LIPK: variants seen among roughly 807,000 people sequenced by gnomAD.
LIPK encodes lipase member K.
A neutral mutation model predicts 48.6 loss-of-function variants in LIPK; 32 were observed. The ratio of observed to expected loss-of-function variants is 0.66; its 90% CI spans 0.50 to 0.88. LIPK has a LOEUF of 0.88. LIPK is among the 40% of genes least tolerant of loss of function. The pLI is 0.00. For missense variants in LIPK, 507 were observed against 478.5 expected (o/e 1.06, Z -0.56); for synonymous variants, 164 against 157.4 (o/e 1.04, Z -0.32).
intron 9 of LIPK, among the ~76,000 whole-genome samples, chr10:88,751,040 A>G (rs1370927274): frequency 3.3e-5 from 5 of 152,218 alleles, no homozygotes; most frequent in African/African-American, 1.2e-4. Flanking sequence ...TTTAAATACC[A>G]TTATATGGAT....
intron 6 of LIPK, among the ~76,000 whole-genome samples, chr10:88,734,298 A>G (rs1224695844): frequency 6.6e-6 from 1 of 152,238 alleles, no homozygotes; most frequent in Non-Finnish European, 1.5e-5. Context: ...TTCATTATAG[A>G]GTGTGGTATA....
At chr10:88,735,680 C>A (rs2134752993) in intron 6 of LIPK, among the ~76,000 whole-genome samples, 2 of 152,370 alleles carry the variant, frequency 1.3e-5, no homozygotes, top group African/African-American at 4.8e-5. Context: ...GGTGCCTTTT[C>A]TAATTCTCAC....
At chr10:88,749,763 A>C (rs1842832339) in intron 9 of LIPK, among the ~76,000 whole-genome samples, 1 of 152,222 alleles carries the variant, frequency 6.6e-6, no homozygotes, top group South Asian at 2.1e-4. Flanking sequence ...ATTTCATGAT[A>C]AAGATGCCAA....
intron 1 of LIPK, among the ~76,000 whole-genome samples, chr10:88,721,290 CAG>C (rs1431819550): frequency 1.3e-5 from 2 of 152,098 alleles, no homozygotes; most frequent in Non-Finnish European, 2.9e-5. Context: ...TAAAAAAACT[CAG>C]AGTATTATTA....
intron 1 of LIPK, among the ~76,000 whole-genome samples, chr10:88,719,951 T>C (rs997148018): frequency 2.0e-5 from 3 of 152,212 alleles, no homozygotes; most frequent in African/African-American, 7.2e-5. Context: ...ATAATCCACA[T>C]GCATTTGATA....
intron 8 of LIPK, among the ~76,000 whole-genome samples, chr10:88,742,220 T>C (rs1842691901): frequency 6.6e-6 from 1 of 152,202 alleles, no homozygotes; most frequent in African/African-American, 2.4e-5. Flanking sequence ...CAATTAGAGA[T>C]GAGATTTGGG....
chr10:88,740,674 G>A (rs1842663242), intron 8 of LIPK, among the ~76,000 whole-genome samples: 1 of 152,134 alleles, frequency 6.6e-6, no homozygotes, highest in South Asian at 2.1e-4. Flanking sequence ...ACATTCATTT[G>A]TTTATTATGT....
chr10:88,710,781 C>T (rs1169471440), intron 1 of LIPK, among the ~76,000 whole-genome samples: 3 of 152,120 alleles, frequency 2.0e-5, no homozygotes, highest in East Asian at 1.9e-4. Flanking sequence ...AAATCTTCAG[C>T]GAACAATCTT....
rs403572 is a variant in LIPK at position 88,739,851 on chromosome 10, A to G, written c.817-145A>G. 4 of 454,140 alleles carry G rather than the reference A, an allele frequency of 8.8e-6. No homozygotes were observed. The South Asian group carries it at 1.2e-4, about 14-fold the overall frequency. 28.1% of individuals were successfully genotyped at this position (454,140 alleles called of 1,614,324 possible). A position where few individuals can be genotyped will look rare whatever the true frequency, so the allele number is the denominator to read the frequency against. ...GCCTGGGTGACAGAGCGAGACTCCA[A>G]CTCAAAAATAAAAATAAAAATAAAA... On this transcript the variant is annotated intron_variant, in intron 7 of 9. Coordinates refer to ENST00000404190, the MANE Select transcript of LIPK (RefSeq NM_001080518.2).
chr10:88,749,086 A>G (rs1216251336), intron 9 of LIPK, among the ~76,000 whole-genome samples: 4 of 152,212 alleles, frequency 2.6e-5, no homozygotes, highest in Admixed American at 1.3e-4. Context: ...GATCTCTACA[A>G]TGAGAACTTT....
At position 88,726,838 on chromosome 10, in the gene LIPK, A is replaced by G. The variant is rs1842352619; in HGVS notation, c.149A>G (p.Asp50Gly). The G allele has an allele frequency of 1.2e-6, 2 of 1,607,794 alleles. No individual in the cohort carries two copies. Among genetic ancestry groups the G allele is most frequent in the African/African-American group, 2.7e-5 (2 of 74,952 alleles). The change falls in exon 3 of 10, where the codon GAT becomes GGT. Residue 50 changes from aspartate (D) to glycine (G), a missense_variant. Coordinates refer to ENST00000404190, the MANE Select transcript of LIPK (RefSeq NM_001080518.2). ...SYWGYPYEEY[D>G]VTTKDGYILG... ...TGGGGTTATCCTTATGAAGAGTATGATGTTACAACAAAAGATGGTTATATC... is the reference window on the plus strand; with the variant it reads ...TGGGGTTATCCTTATGAAGAGTATGGTGTTACAACAAAAGATGGTTATATC...
chr10:88,736,731 A>G (rs1450087574), intron 6 of LIPK, among the ~76,000 whole-genome samples: 1 of 152,248 alleles, frequency 6.6e-6, no homozygotes, highest in African/African-American at 2.4e-5. Context: ...GACATCTACC[A>G]TAATGGATTC....
rs398014386 is a variant in LIPK at position 88,722,889 on chromosome 10, C to CTTTTTTTTTTTTTTTTTTTTTTT, written c.-11-1632_-11-1631insTTTTTTTTTTTTTTTTTTTTTTT. On this transcript the variant is annotated intron_variant, in intron 1 of 9. Coordinates refer to ENST00000404190, the MANE Select transcript of LIPK (RefSeq NM_001080518.2). ...AATTGTTTTTCTTCTTTTCTTTTTT[C>CTTTTTTTTTTTTTTTTTTTTTTT]TTTTTTTTTTTTGACAGGGTTTCAC... is the stretch of plus-strand genomic sequence containing the variant. 5.5e-4 allele frequency among the ~76,000 whole-genome samples: 62 copies of CTTTTTTTTTTTTTTTTTTTTTTT among 113,164 alleles called. 2 individuals carry two copies. Among genetic ancestry groups the CTTTTTTTTTTTTTTTTTTTTTTT allele is most frequent in the East Asian group, 1.1e-3 (4 of 3,490 alleles). 74.2% of individuals were successfully genotyped at this position (113,164 alleles called of 152,430 possible).
At chr10:88,717,255 T>C (rs1842136778) in intron 1 of LIPK, among the ~76,000 whole-genome samples, 2 of 152,234 alleles carry the variant, frequency 1.3e-5, no homozygotes, top group Admixed American at 1.3e-4. Context: ...GATCTTTTCA[T>C]TCAAATGATT....
chr10:88,740,055 G>C lies in LIPK; in HGVS notation c.876G>C (p.Leu292=). Residue 292 remains leucine, a synonymous_variant, in exon 8 of 10, where the codon CTG becomes CTC. Coordinates refer to ENST00000404190, the MANE Select transcript of LIPK (RefSeq NM_001080518.2). ...CGGGAACATCTGTTCAGAATATGCT[G>C]CACTGGGCTCAGGTAAGTGCTTCTT... The part of the protein sequence containing the change: ...NPAGTSVQNM[L]HWAQAVNSGQ... 6.2e-7 allele frequency: 1 copy of C among 1,602,426 alleles called. No homozygotes were observed. Among genetic ancestry groups the C allele is most frequent in the Admixed American group, 1.7e-5 (1 of 59,662 alleles).
chr10:88,728,624 C>T (rs552752591), intron 3 of LIPK: 1 of 486,550 alleles, frequency 2.1e-6, no homozygotes, highest in East Asian at 5.9e-5. Flanking sequence ...CCTTGGGCAT[C>T]GAGAGCGCCA....
chr10:88,716,983 G>T lies in LIPK; in HGVS notation c.-11-7550G>T, dbSNP rs143065356. Among the ~76,000 whole-genome samples, 303 of 152,276 alleles carry T rather than the reference G, an allele frequency of 2.0e-3. 2 individuals are homozygous for T. Among genetic ancestry groups the T allele is most frequent in the African/African-American group, 6.3e-3 (262 of 41,548 alleles). ...AGCAGCAGACAGATGATAAGATGCTGTTGGATCAAGGAGAATGGGGAAAGA... is the reference window on the plus strand; with the variant it reads ...AGCAGCAGACAGATGATAAGATGCTTTTGGATCAAGGAGAATGGGGAAAGA... On this transcript the variant is annotated intron_variant, in intron 1 of 9. Transcript: ENST00000404190.
At chr10:88,737,869 T>C in intron 7 of LIPK, 88 bp downstream of exon 7, 1 of 1,400,584 alleles carries the variant, frequency 7.1e-7, no homozygotes, top group Non-Finnish European at 9.9e-7. Context: ...GCAACTGCAA[T>C]TCAAGGTTTC....
At chr10:88,745,915 A>C (rs1842758174) in intron 9 of LIPK, among the ~76,000 whole-genome samples, 1 of 152,332 alleles carries the variant, frequency 6.6e-6, no homozygotes, top group African/African-American at 2.4e-5. Flanking sequence ...CCTGGGCTCA[A>C]AGAAAAGGGA....
Sources: allele counts gnomAD v4.1 joint callset (sites outside exome capture counted in the v4.1 genomes callset), GRCh38; gene constraint gnomAD v4.1.1; transcripts MANE v1.5; gene names NCBI Gene and HGNC (gene_info 2026-07-23, HGNC 2026-07-21).